Variants in LRRFIP2 observed in about 807,000 individuals in gnomAD.
The protein encoded by LRRFIP2 is leucine-rich repeat flightless-interacting protein 2.
LRRFIP2 carries 109 observed loss-of-function variants against 125.9 expected under a neutral mutation model. The observed-to-expected ratio is 0.87, with a 90% CI of 0.74 to 1.01. The LOEUF is 1.01. Among genes scored for constraint, LRRFIP2 ranks in the 50% least tolerant of loss-of-function variants. The pLI is 0.00. For missense variants in LRRFIP2, 850 were observed against 862.3 expected, an observed-to-expected ratio of 0.99 and a Z score of 0.18; for synonymous variants, 291 against 293.1, an observed-to-expected ratio of 0.99 and a Z score of 0.07.
intron 6 of LRRFIP2, among the ~76,000 whole-genome samples, chr3:37,117,010 T>A (rs1204072004): frequency 6.6e-6 from 1 of 151,980 alleles, no homozygotes; most frequent in Non-Finnish European, 1.5e-5. Flanking sequence ...CGTAATAGTA[T>A]GCATTTAAAC....
chr3:37,144,692 T>C (rs1399042820), intron 2 of LRRFIP2, among the ~76,000 whole-genome samples: 3 of 152,168 alleles, frequency 2.0e-5, no homozygotes, highest in Non-Finnish European at 4.4e-5. Context: ...GTGCTAAAAC[T>C]GCTATTTTAA....
intron 17 of LRRFIP2, among the ~76,000 whole-genome samples, chr3:37,092,281 G>A (rs973572319): frequency 1.3e-5 from 2 of 152,144 alleles, no homozygotes; most frequent in Non-Finnish European, 2.9e-5. Flanking sequence ...ATTTATGTCC[G>A]AAATAACTGC....
At chr3:37,090,222 G>T (rs891235410) in intron 18 of LRRFIP2, among the ~76,000 whole-genome samples, 8 of 150,104 alleles carry the variant, frequency 5.3e-5, no homozygotes, top group Middle Eastern at 6.8e-3. Context: ...TACTTTTTTT[G>T]TTTGTTTGTT....
rs1365891906 is a variant in LRRFIP2, at chr3:37,120,103, TTC to T, written c.330+1387_330+1388del. Reference sequence around the variant, plus strand: ...AGATTTCTGTAAAGATCTGTTAATATTCTTTTTTTTTTTTTTTTTTTGAGATG... The same window carrying T: ...AGATTTCTGTAAAGATCTGTTAATATTTTTTTTTTTTTTTTTTTTGAGATG... On this transcript the variant is annotated intron_variant, in intron 6 of 27. Transcript: ENST00000336686. Among the ~76,000 whole-genome samples, 8 of 151,322 alleles carry T rather than the reference TTC, an allele frequency of 5.3e-5. No homozygotes were observed. In the South Asian group the frequency reaches 1.5e-3, roughly 28 times the overall value.
intron 11 of LRRFIP2, among the ~76,000 whole-genome samples, chr3:37,108,935 G>A (rs559452199): frequency 6.6e-6 from 1 of 152,286 alleles, no homozygotes; most frequent in South Asian, 2.1e-4. Context: ...ATGAAACTGG[G>A]AGAATTAACG....
At chr3:37,140,655 A>G (rs2095672809) in intron 2 of LRRFIP2, among the ~76,000 whole-genome samples, 1 of 149,244 alleles carries the variant, frequency 6.7e-6, no homozygotes, top group African/African-American at 2.4e-5. Flanking sequence ...TCTGTCTCCA[A>G]AAAAAAAAAA....
intron 21 of LRRFIP2, among the ~76,000 whole-genome samples, chr3:37,070,374 A>G (rs2090962600): frequency 6.6e-6 from 1 of 151,230 alleles, no homozygotes; most frequent in Non-Finnish European, 1.5e-5. Context: ...TTGGCCTCCC[A>G]AAGTGCTGGG....
intron 1 of LRRFIP2, among the ~76,000 whole-genome samples, chr3:37,157,532 CAATT>C (rs2096233784): frequency 6.7e-6 from 1 of 150,356 alleles, no homozygotes; most frequent in African/African-American, 2.5e-5. Flanking sequence ...GAGAGGAAGA[CAATT>C]AAGAAGGAGA....
In LRRFIP2 at chr3:37,060,600, G is replaced by GC. The variant is rs1042816873; in HGVS notation, c.1750-1691dup. 2.0e-5 allele frequency among the ~76,000 whole-genome samples: 3 copies of GC among 150,894 alleles called. No individual in the cohort carries two copies. The highest frequency in any genetic ancestry group is 4.4e-5 in the Non-Finnish European group (3 of 67,792). On this transcript the variant is annotated intron_variant, in intron 24 of 27. Transcript: ENST00000336686. This position sits in a 1 kb window ranked among gnomAD's most constrained non-coding sequence, Gnocchi z 4.1. The stretch of plus-strand genomic sequence containing the variant: ...TTACAGACATGAGCCACCATGCCCG[G>GC]CCCTTTTTTTTTTTGTACTTCCACA...
chr3:37,102,064 A>G (rs1043660237), intron 15 of LRRFIP2, among the ~76,000 whole-genome samples: 1 of 152,218 alleles, frequency 6.6e-6, no homozygotes, highest in African/African-American at 2.4e-5. Flanking sequence ...TCATTATTCA[A>G]CTTTCTAAGT....
intron 1 of LRRFIP2, among the ~76,000 whole-genome samples, chr3:37,156,001 A>C (rs2096178088): frequency 6.6e-6 from 1 of 152,072 alleles, no homozygotes; most frequent in Non-Finnish European, 1.5e-5. Flanking sequence ...CAGCCTCCCA[A>C]GTACCTGGTA....
chr3:37,104,289 C>A (rs2094209614), intron 14 of LRRFIP2, among the ~76,000 whole-genome samples: 2 of 152,134 alleles, frequency 1.3e-5, no homozygotes, highest in Admixed American at 1.3e-4. Flanking sequence ...CTGCCATTTA[C>A]ACACTAACAG....
chr3:37,092,870 G>A (rs563095591), intron 17 of LRRFIP2, among the ~76,000 whole-genome samples: 2 of 151,342 alleles, frequency 1.3e-5, no homozygotes, highest in Non-Finnish European at 2.9e-5. Flanking sequence ...ATGGATTCTC[G>A]CACTGTTGCC....
At chr3:37,123,867 T>C (rs949930769) in intron 4 of LRRFIP2, among the ~76,000 whole-genome samples, 1 of 152,216 alleles carries the variant, frequency 6.6e-6, no homozygotes, top group Non-Finnish European at 1.5e-5. Context: ...GAAGTCATAC[T>C]TTCAATTATG....
chr3:37,146,594 T>C (rs1042432315), intron 2 of LRRFIP2, among the ~76,000 whole-genome samples: 8 of 152,310 alleles, frequency 5.3e-5, no homozygotes, highest in African/African-American at 1.9e-4. Context: ...TGTTAGTCTG[T>C]TGAGGATAAT....
intron 21 of LRRFIP2, chr3:37,066,629 A>G: frequency 4.0e-6 from 1 of 247,708 alleles, no homozygotes; most frequent in East Asian, 8.2e-5. Context: ...AGGAAAAGGA[A>G]GATAAAGAGA....
intron 15 of LRRFIP2, among the ~76,000 whole-genome samples, chr3:37,098,161 T>C (rs2093819406): frequency 1.3e-5 from 2 of 152,208 alleles, no homozygotes; most frequent in Non-Finnish European, 2.9e-5. Context: ...TTTTTAGACA[T>C]TTAACTCTTT....
intron 16 of LRRFIP2, among the ~76,000 whole-genome samples, chr3:37,096,411 G>A (rs1326630464): frequency 1.3e-5 from 2 of 152,148 alleles, no homozygotes; most frequent in Admixed American, 1.3e-4. Context: ...TGACATTCAA[G>A]GAAATAAAAT....
intron 4 of LRRFIP2, among the ~76,000 whole-genome samples, chr3:37,123,079 CAA>C (rs2095125012): frequency 6.6e-6 from 1 of 152,210 alleles, no homozygotes; most frequent in African/African-American, 2.4e-5. Context: ...TGCCCTTGAC[CAA>C]ATGTATGCTG....
Sources: gnomAD v4.1 joint callset for allele counts (sites outside exome capture counted in the v4.1 genomes callset) on GRCh38, gnomAD v4.1.1 for gene constraint, Gnocchi (gnomAD v3.1) non-coding constraint, MANE v1.5 for transcripts, NCBI Gene and HGNC (gene_info 2026-07-23, HGNC 2026-07-21) for gene names.